Variants in SLC5A1 observed in about 807,000 individuals in gnomAD.
SLC5A1 encodes solute carrier family 5 member 1.
In SLC5A1, 42 loss-of-function variants were observed where a neutral mutation model predicts 73.5. That is an observed-to-expected ratio of 0.57 (90% CI 0.45 to 0.74). The LOEUF (loss-of-function observed/expected upper bound fraction) is 0.74, where lower values mean the gene tolerates loss of function less well. SLC5A1 is among the 30% of genes least tolerant of loss of function. SLC5A1 has a pLI of 0.00. For missense variants in SLC5A1, 634 were observed against 855.4 expected, an observed-to-expected ratio of 0.74 and a Z score of 3.23; for synonymous variants, 300 against 317.4, an observed-to-expected ratio of 0.95 and a Z score of 0.58.
At chr22:32,074,152 A>T (rs1449911555) in intron 5 of SLC5A1, among the ~76,000 whole-genome samples, 1 of 152,132 alleles carries the variant, frequency 6.6e-6, no homozygotes. Context: ...TCCACAGTTC[A>T]AGCAGGTGAA....
Position 32,043,445 on chromosome 22 carries a change from G to A in SLC5A1, c.135+29G>A. 1.2e-6 allele frequency: 2 copies of A among 1,612,256 alleles called. No individual in the cohort carries two copies. The highest frequency in any genetic ancestry group is 1.7e-6 in the Non-Finnish European group (2 of 1,179,130). On this transcript the variant is annotated intron_variant, in intron 1 of 14. Coordinates refer to ENST00000266088, the MANE Select transcript of SLC5A1 (RefSeq NM_000343.4). This position sits in a 1 kb window ranked among gnomAD's most constrained non-coding sequence, Gnocchi z 6.5. ...TGCAGCGGGTTCTGGGATGCGGGTGGGGAGGGTGCGCACAGAGGAGGAGCA... is the reference window on the plus strand; with the variant it reads ...TGCAGCGGGTTCTGGGATGCGGGTGAGGAGGGTGCGCACAGAGGAGGAGCA...
intron 11 of SLC5A1, among the ~76,000 whole-genome samples, chr22:32,092,776 T>G (rs2094020201): frequency 6.6e-6 from 1 of 152,218 alleles, no homozygotes; most frequent in Admixed American, 6.5e-5. Flanking sequence ...CTCTGCTAAC[T>G]GTTCCTTTTG....
rs33915456 is a variant in SLC5A1, at chr22:32,086,290, C to T, written c.1092C>T (p.Ile364=). ...GTACCAAGGTTGGCTGTACCAACAT[C>T]GCCTATCCAACCTTAGTGGTGGAGC... ...YCGTKVGCTN[I]AYPTLVVELM... is the part of the protein sequence containing the mutation. The change falls in exon 10 of 15, where the codon ATC becomes ATT. Residue 364 remains isoleucine (I), a synonymous_variant. Transcript: ENST00000266088. 2,883 of 1,613,686 alleles carry T rather than the reference C, an allele frequency of 1.8e-3. 42 individuals are homozygous for T. The African/African-American group carries it at 0.03, about 17-fold the overall frequency.
intron 1 of SLC5A1, among the ~76,000 whole-genome samples, chr22:32,046,369 C>CTTT (rs130263): frequency 3.5e-4 from 51 of 145,410 alleles, no homozygotes; most frequent in African/African-American, 8.6e-4. Flanking sequence ...TTCCTTTGCT[C>CTTT]TTTTTTTTTT....
chr22:32,090,110 A>T (rs986564749), intron 10 of SLC5A1, among the ~76,000 whole-genome samples: 1 of 151,946 alleles, frequency 6.6e-6, no homozygotes, highest in Non-Finnish European at 1.5e-5. Flanking sequence ...CAAAAAAAAA[A>T]AAAAAAACAA....
rs1326329755 is a variant in SLC5A1 at position 32,110,138 on chromosome 22, G to C, written c.1920G>C (p.Leu640Phe). 8 of 1,614,088 alleles carry C rather than the reference G, an allele frequency of 5.0e-6. No individual in the cohort carries two copies. The African/African-American group carries it at 6.7e-5, about 13-fold the overall frequency. Reference protein sequence around the residue: ...MKMTDTSEKPLWRTVLNVNGI... With the variant: ...MKMTDTSEKPFWRTVLNVNGI... ...TGACGGACACCTCTGAGAAGCCTTT[G>C]TGGAGGACAGTGTTGAACGTCAATG... is the stretch of plus-strand genomic sequence containing the variant. Residue 640 changes from leucine (L) to phenylalanine (F), a missense_variant, in exon 15 of 15, where the codon TTG (leucine) becomes TTC (phenylalanine). Leu to Phe is a conservative substitution (Grantham distance 22). This residue lies in a region of SLC5A1 where 161 missense variants were observed against 178.7 expected (regional missense o/e 0.90). Transcript: ENST00000266088.
intron 2 of SLC5A1, among the ~76,000 whole-genome samples, chr22:32,051,329 A>G (rs1157237318): frequency 6.6e-6 from 1 of 152,180 alleles, no homozygotes; most frequent in Admixed American, 6.5e-5. Context: ...AGCTGGTCAG[A>G]TAAGGAATCT....
chr22:32,083,662 A>G (rs771127832), intron 7 of SLC5A1, among the ~76,000 whole-genome samples: 20 of 151,544 alleles, frequency 1.3e-4, no homozygotes, highest in East Asian at 1.9e-4. Context: ...TGGCCCTCCA[A>G]TTAATTTTTT....
At position 32,103,660 on chromosome 22, in the gene SLC5A1, C is replaced by T. The variant is rs539567570; in HGVS notation, c.1666-1126C>T. ...TGGTCAAAGCTTTCAAAGGTCCCAA[C>T]AAAGCACATACCTAGTTACAAAAAT... is the stretch of plus-strand genomic sequence containing the variant. On this transcript the variant is annotated intron_variant, in intron 13 of 14. Transcript: ENST00000266088. Among the ~76,000 whole-genome samples, 7 of 152,336 alleles carry T rather than the reference C, an allele frequency of 4.6e-5. No homozygotes were observed. The South Asian group carries it at 1.4e-3, about 32-fold the overall frequency.
At chr22:32,059,050 A>C in intron 2 of SLC5A1, 1 of 961,940 alleles carries the variant, frequency 1.0e-6, no homozygotes, top group Non-Finnish European at 1.2e-6. Flanking sequence ...ATCTTTACTG[A>C]GTCCTTGCCA....
Position 32,102,946 on chromosome 22 carries a change from C to A in SLC5A1, c.1665+709C>A, listed in dbSNP as rs62240658. Among the ~76,000 whole-genome samples the A allele has an allele frequency of 7.3e-3, 1,111 of 152,234 alleles. 9 individuals carry two copies. The highest frequency in any genetic ancestry group is 0.01 in the Non-Finnish European group (713 of 68,006). On this transcript the variant is annotated intron_variant, in intron 13 of 14. Transcript: ENST00000266088. Reference sequence around the variant, plus strand: ...AATAATACTCTACTGTATATTTGTACAATATTTTCTTTATCCATTCATTTG... The same window carrying A: ...AATAATACTCTACTGTATATTTGTAAAATATTTTCTTTATCCATTCATTTG...
intron 11 of SLC5A1, 22 bp from the exon 12 acceptor site, chr22:32,099,161 G>C: frequency 6.4e-7 from 1 of 1,551,368 alleles, no homozygotes; most frequent in East Asian, 2.5e-5. Flanking sequence ...TTGACACCTT[G>C]TTGTGGGGGC....
At position 32,043,268 on chromosome 22, in the gene SLC5A1, G is replaced by A. The variant is rs766011434; in HGVS notation, c.-14G>A. On this transcript the variant is annotated 5_prime_UTR_variant, in exon 1 of 15. Coordinates refer to ENST00000266088, the MANE Select transcript of SLC5A1 (RefSeq NM_000343.4). The surrounding 1 kb of genome is among the most constrained non-coding windows in gnomAD (Gnocchi z 6.5). ...AGCGGCCCTGGCGAGAGGGAAGGACGCAACGCTGCCACCATGGACAGTAGC... is the reference window on the plus strand; with the variant it reads ...AGCGGCCCTGGCGAGAGGGAAGGACACAACGCTGCCACCATGGACAGTAGC... The A allele has an allele frequency of 1.2e-5, 20 of 1,613,398 alleles. No individual in the cohort carries two copies. Among genetic ancestry groups the A allele is most frequent in the Admixed American group, 1.7e-5 (1 of 60,022 alleles).
intron 1 of SLC5A1, among the ~76,000 whole-genome samples, chr22:32,046,935 C>T (rs2093937955): frequency 6.6e-6 from 1 of 152,202 alleles, no homozygotes; most frequent in Non-Finnish European, 1.5e-5. Context: ...CTTTGAGCCT[C>T]TTGTGCTCAC....
intron 10 of SLC5A1, among the ~76,000 whole-genome samples, chr22:32,089,245 T>G (rs1205502450): frequency 2.0e-5 from 3 of 152,230 alleles, no homozygotes; most frequent in African/African-American, 7.2e-5. Context: ...ATATCTCTGA[T>G]AGTTTGTGAT....
At position 32,110,580 on chromosome 22, in the gene SLC5A1, T is replaced by C. The variant is rs2094054880; in HGVS notation, c.*367T>C. On this transcript the variant is annotated 3_prime_UTR_variant, in exon 15 of 15. Coordinates refer to ENST00000266088, the MANE Select transcript of SLC5A1 (RefSeq NM_000343.4). The stretch of plus-strand genomic sequence containing the variant: ...ATCCTTGAATATTGTTTTAGAAACT[T>C]TGGTCTCCCTGGTTCCTGCCACTTT... 1 of 325,624 alleles carries C rather than the reference T, an allele frequency of 3.1e-6. No individual in the cohort carries two copies. Among genetic ancestry groups the C allele is most frequent in the African/African-American group, 2.1e-5 (1 of 46,580 alleles). The allele number at this position is 325,624 out of a possible 1,614,324, so 20.2% of individuals were successfully genotyped here.
At chr22:32,059,842 A>G (rs1260494761) in intron 2 of SLC5A1, among the ~76,000 whole-genome samples, 2 of 152,068 alleles carry the variant, frequency 1.3e-5, no homozygotes, top group South Asian at 2.1e-4. Context: ...CTTTGCTTTC[A>G]TAACTTTGCT....
At chr22:32,094,757 G>C (rs1176220343) in intron 11 of SLC5A1, among the ~76,000 whole-genome samples, 1 of 151,384 alleles carries the variant, frequency 6.6e-6, no homozygotes, top group East Asian at 1.9e-4. Context: ...CTTGCTAATG[G>C]TCTATCAATT....
rs377751650 is a variant in SLC5A1 at position 32,043,430 on chromosome 22, T to G, written c.135+14T>G. 3.7e-6 allele frequency: 6 copies of G among 1,613,388 alleles called. No individual in the cohort carries two copies. In the African/African-American group the frequency reaches 5.3e-5, roughly 14 times the overall value. ...GTCGGACTGTGGGTATGCAGCGGGTTCTGGGATGCGGGTGGGGAGGGTGCG... is the reference window on the plus strand; with the variant it reads ...GTCGGACTGTGGGTATGCAGCGGGTGCTGGGATGCGGGTGGGGAGGGTGCG... On this transcript the variant is annotated intron_variant, in intron 1 of 14. Transcript: ENST00000266088. The surrounding 1 kb of genome is among the most constrained non-coding windows in gnomAD (Gnocchi z 6.5).
Sources: allele counts gnomAD v4.1 joint callset (sites outside exome capture counted in the v4.1 genomes callset), GRCh38; gene constraint gnomAD v4.1.1; regional missense constraint gnomAD v4.1.1; non-coding constraint Gnocchi (gnomAD v3.1); transcripts MANE v1.5; gene names NCBI Gene and HGNC (gene_info 2026-07-23, HGNC 2026-07-21).